Variants in GSE1 observed in about 807,000 individuals in gnomAD.
GSE1 encodes genetic suppressor element 1.
GSE1 carries 32 observed loss-of-function variants against 112.6 expected under a neutral mutation model. The observed-to-expected ratio is 0.28, with a 90% CI of 0.21 to 0.38. The LOEUF (loss-of-function observed/expected upper bound fraction) is 0.38, where lower values mean the gene tolerates loss of function less well. GSE1 is among the 10% of genes least tolerant of loss of function. The pLI is 1.00. For synonymous variants in GSE1, 1,115 were observed against 735.6 expected (o/e 1.52, Z -8.35); for missense variants, 2,348 against 1,699.2 (o/e 1.38, Z -6.71).
chr16:85,527,551 G>A (rs1176684960), intron 2 of GSE1, among the ~76,000 whole-genome samples: 9 of 152,256 alleles, frequency 5.9e-5, no homozygotes, highest in Non-Finnish European at 1.3e-4. Context: ...TGGGGAGGCG[G>A]TTACTTCCTA....
chr16:85,659,278 C>G (rs558272181), intron 8 of GSE1: 1 of 152,276 alleles, frequency 6.6e-6, no homozygotes, highest in African/African-American at 2.4e-5. Flanking sequence ...CCTGCTGTGG[C>G]CTCTGCCTCT....
At chr16:85,353,908 G>A (rs115221798) in intron 1 of GSE1, among the ~76,000 whole-genome samples, 2,800 of 152,314 alleles carry the variant, frequency 0.018, 91 homozygotes, top group African/African-American at 0.064. Flanking sequence ...GCAGGAGCCC[G>A]TCCAAGCTGC....
At chr16:85,334,169 G>A (rs13334243) in intron 1 of GSE1, among the ~76,000 whole-genome samples, 39,599 of 152,062 alleles carry the variant, frequency 0.26, 5,324 homozygotes, top group Non-Finnish European at 0.31. Flanking sequence ...ATGCTGTGTC[G>A]GCACTCCTCT....
At position 85,648,584 on chromosome 16, in the gene GSE1, T is replaced by G; in HGVS notation, c.259T>G (p.Ser87Ala). The G allele has an allele frequency of 6.3e-7, 1 of 1,599,884 alleles. No homozygotes were observed. The highest frequency in any genetic ancestry group is 8.5e-7 in the Non-Finnish European group (1 of 1,173,310). ...ACTGAGCAGCGAGTCGTCCCCCGTG[T>G]CCTCTCCGGCCACCAACCACAGCTC... Reference protein sequence around the residue: ...SSLSSESSPVSSPATNHSSPA... With the variant: ...SSLSSESSPVASPATNHSSPA... The change falls in exon 3 of 16, where the codon TCC (serine) becomes GCC (alanine). Residue 87 changes from serine to alanine, a missense_variant. Physicochemically the swap from Ser to Ala is moderately conservative, Grantham distance 99 (BLOSUM62 1). Transcript: ENST00000253458.
chr16:85,202,957 T>C, intron 1 of GSE1, among the ~76,000 whole-genome samples: 1 of 145,146 alleles, frequency 6.9e-6, no homozygotes, highest in Non-Finnish European at 1.5e-5. Flanking sequence ...CTCCTCCCCT[T>C]CCCTCCTCCC....
chr16:85,232,053 C>A (rs1183324236), intron 1 of GSE1, among the ~76,000 whole-genome samples: 1 of 152,226 alleles, frequency 6.6e-6, no homozygotes, highest in Non-Finnish European at 1.5e-5. Flanking sequence ...CACTCCCCCA[C>A]AGTGAGAGGC....
chr16:85,468,748 G>A (rs2050197560), intron 2 of GSE1, among the ~76,000 whole-genome samples: 1 of 152,200 alleles, frequency 6.6e-6, no homozygotes, highest in Non-Finnish European at 1.5e-5. Flanking sequence ...AAGAGTGGCT[G>A]CCTTTCCCCA....
At chr16:85,295,827 A>G (rs1023938165) in intron 1 of GSE1, among the ~76,000 whole-genome samples, 56 of 148,972 alleles carry the variant, frequency 3.8e-4, no homozygotes, top group African/African-American at 1.3e-3. Context: ...CTGATCTGGA[A>G]CTCCTGGGCT....
intron 1 of GSE1, among the ~76,000 whole-genome samples, chr16:85,320,780 C>G (rs1168500051): frequency 6.6e-6 from 1 of 152,210 alleles, no homozygotes; most frequent in East Asian, 1.9e-4. Context: ...ACCTCTCCAG[C>G]CCCCATGTCC....
intron 2 of GSE1, among the ~76,000 whole-genome samples, chr16:85,436,093 C>T (rs2049240472): frequency 6.6e-6 from 1 of 152,216 alleles, no homozygotes; most frequent in African/African-American, 2.4e-5. Flanking sequence ...CCAACCTCTA[C>T]AGCCTTCCAG....
chr16:85,518,344 C>T (rs904445479), intron 2 of GSE1, among the ~76,000 whole-genome samples: 10 of 152,138 alleles, frequency 6.6e-5, no homozygotes, highest in African/African-American at 2.2e-4. Context: ...GGAATGGAGC[C>T]ACAGGACGGT....
intron 2 of GSE1, among the ~76,000 whole-genome samples, chr16:85,371,240 T>C (rs1173902099): frequency 6.6e-6 from 1 of 152,152 alleles, no homozygotes; most frequent in Non-Finnish European, 1.5e-5. Flanking sequence ...GCAGTGCTCA[T>C]GGACCAGAAG....
At chr16:85,216,963 C>T (rs967956122) in intron 1 of GSE1, among the ~76,000 whole-genome samples, 12 of 152,250 alleles carry the variant, frequency 7.9e-5, no homozygotes, top group Admixed American at 4.6e-4. Flanking sequence ...CTATGGAAAG[C>T]GGCAAGCCCC....
At chr16:85,212,713 G>T (rs56235821) in intron 1 of GSE1, among the ~76,000 whole-genome samples, 1,853 of 152,258 alleles carry the variant, frequency 0.012, 39 homozygotes, top group African/African-American at 0.042. Context: ...CTAATATGAC[G>T]CCCCACAGAC....
chr16:85,197,416 G>A (rs2074948797), intron 1 of GSE1, among the ~76,000 whole-genome samples: 1 of 152,164 alleles, frequency 6.6e-6, no homozygotes, highest in Non-Finnish European at 1.5e-5. Flanking sequence ...CATATAACTG[G>A]TTTTTTGCTT....
chr16:85,367,168 G>A (rs117563288), intron 2 of GSE1, among the ~76,000 whole-genome samples: 8 of 152,326 alleles, frequency 5.3e-5, no homozygotes, highest in East Asian at 1.9e-4. Context: ...GGGTTTACGC[G>A]GTTTGAAGAG....
At chr16:85,555,062 G>A, upstream of GSE1, 1 of 985,358 alleles carries the variant, frequency 1.0e-6, no homozygotes, top group Non-Finnish European at 1.2e-6. Context: ...ATCGCCCTGC[G>A]AAGCATGGAG....
chr16:85,634,799 C>G (rs1045340335), intron 2 of GSE1, among the ~76,000 whole-genome samples: 2 of 152,188 alleles, frequency 1.3e-5, no homozygotes, highest in Non-Finnish European at 2.9e-5. Context: ...CCCTTTGGCT[C>G]TGGCTCTGGG....
chr16:85,400,325 T>C (rs1001262708), intron 2 of GSE1, among the ~76,000 whole-genome samples: 3 of 150,692 alleles, frequency 2.0e-5, no homozygotes, highest in South Asian at 2.1e-4. Context: ...GTGTGTGTGA[T>C]TATATGTCTG....
Sources: allele counts gnomAD v4.1 joint callset (sites outside exome capture counted in the v4.1 genomes callset), GRCh38; gene constraint gnomAD v4.1.1; transcripts MANE v1.5; gene names NCBI Gene and HGNC (gene_info 2026-07-23, HGNC 2026-07-21).